The following VIT variants were observed in gnomAD, a reference collection of about 807,000 sequenced individuals.
The protein encoded by VIT is vitrin.
VIT carries 99 observed loss-of-function variants against 78.0 expected under a neutral mutation model. The ratio of observed to expected loss-of-function variants is 1.27; its 90% CI spans 1.08 to 1.50. The LOEUF (loss-of-function observed/expected upper bound fraction) is 1.50, where lower values mean the gene tolerates loss of function less well. Among genes scored for constraint, VIT ranks in the 40% most tolerant of loss-of-function variants. The pLI is 0.00. For missense variants in VIT, 1,126 were observed against 875.3 expected (o/e 1.29, Z -3.61); for synonymous variants, 374 against 334.3 (o/e 1.12, Z -1.29).
chr2:36,797,693 T>A (rs1258155510), intron 12 of VIT, among the ~76,000 whole-genome samples: 2 of 152,170 alleles, frequency 1.3e-5, no homozygotes, highest in East Asian at 3.8e-4. Flanking sequence ...TTTTGGCACA[T>A]GAATGGTCTG....
intron 13 of VIT, 55 bp downstream of exon 13, chr2:36,801,459 G>A (rs1400063048): frequency 1.5e-5 from 22 of 1,427,098 alleles, no homozygotes; most frequent in South Asian, 2.3e-5. Context: ...CTCTTTCTAC[G>A]TGATTGTCTT....
chr2:36,717,061 G>C (rs1216255860), intron 2 of VIT, among the ~76,000 whole-genome samples: 3 of 151,614 alleles, frequency 2.0e-5, no homozygotes, highest in Non-Finnish European at 4.4e-5. Context: ...ATTTTTAGTA[G>C]AGACGGGGTT....
At position 36,796,502 on chromosome 2, in the gene VIT, G is replaced by C. The variant is rs570696575; in HGVS notation, c.1059-4799G>C. On this transcript the variant is annotated intron_variant, in intron 12 of 15. Coordinates refer to ENST00000379242, the MANE Select transcript of VIT (RefSeq NM_053276.4). ...GTGTATGTGGTAGGGGAAAGAGACAGGGAATCGACAATTGCTCTATAAAGT... is the reference window on the plus strand; with the variant it reads ...GTGTATGTGGTAGGGGAAAGAGACACGGAATCGACAATTGCTCTATAAAGT... Among the ~76,000 whole-genome samples the C allele has an allele frequency of 3.9e-5, 6 of 152,278 alleles. No individual in the cohort carries two copies. The South Asian group carries it at 1.2e-3, about 32-fold the overall frequency.
Position 36,783,325 on chromosome 2 carries a change from T to C in VIT, c.848-15T>C. The C allele has an allele frequency of 1.9e-6, 3 of 1,614,048 alleles. No individual in the cohort carries two copies. The highest frequency in any genetic ancestry group is 1.7e-5 in the Admixed American group (1 of 60,030). ...TTTCCTTGTAAGTCACCAAAAGTTT[T>C]ACTGCTCTTTCCAGGACTTGTTCCA... On this transcript the variant is annotated splice_polypyrimidine_tract_variant and intron_variant, in intron 10 of 15. Coordinates refer to ENST00000379242, the MANE Select transcript of VIT (RefSeq NM_053276.4).
At chr2:36,767,756 G>C (rs1292651266) in intron 7 of VIT, among the ~76,000 whole-genome samples, 2 of 152,170 alleles carry the variant, frequency 1.3e-5, no homozygotes, top group African/African-American at 4.8e-5. Context: ...CATGTTGAAG[G>C]TTTTATCAAG....
intron 12 of VIT, among the ~76,000 whole-genome samples, chr2:36,797,487 A>C (rs1665989999): frequency 6.6e-6 from 1 of 152,216 alleles, no homozygotes; most frequent in Non-Finnish European, 1.5e-5. Flanking sequence ...TCAGGAACAC[A>C]CACTGCTGGA....
At chr2:36,700,586 T>C (rs1376952157) in intron 1 of VIT, among the ~76,000 whole-genome samples, 1 of 151,720 alleles carries the variant, frequency 6.6e-6, no homozygotes, top group African/African-American at 2.4e-5. Flanking sequence ...TACTAAAAAT[T>C]AAAAAATTAG....
intron 5 of VIT, 24 bp from the exon 6 acceptor site, chr2:36,758,945 G>GTTTTT: frequency 1.4e-6 from 2 of 1,393,232 alleles, no homozygotes; most frequent in Non-Finnish European, 9.8e-7. Flanking sequence ...AATAAATCTC[G>GTTTTT]TTTTTTTTTT....
In VIT at chr2:36,767,080, C is replaced by T. The variant is rs1327450723; in HGVS notation, c.488-14C>T. 6.4e-7 allele frequency: 1 copy of T among 1,565,832 alleles called. No homozygotes were observed. Among genetic ancestry groups the T allele is most frequent in the Non-Finnish European group, 8.6e-7 (1 of 1,156,972 alleles). On this transcript the variant is annotated splice_polypyrimidine_tract_variant and intron_variant, in intron 6 of 15. Transcript: ENST00000379242. ...TTATTTTGTGGGCCTTGGTATAATT[C>T]CATTTTCTTACAGGTGAGACCACAA... is the stretch of plus-strand genomic sequence containing the variant.
intron 12 of VIT, among the ~76,000 whole-genome samples, chr2:36,795,817 C>G (rs1206577616): frequency 1.3e-5 from 2 of 152,104 alleles, no homozygotes; most frequent in African/African-American, 4.8e-5. Context: ...TTAAAATGGA[C>G]TCCAAATGTA....
intron 1 of VIT, among the ~76,000 whole-genome samples, chr2:36,707,199 A>G (rs1573111397): frequency 6.6e-6 from 1 of 152,206 alleles, no homozygotes; most frequent in Non-Finnish European, 1.5e-5. Context: ...ATTATCTCAC[A>G]TAACAGACAG....
rs769551300 is a variant in VIT, at chr2:36,805,437, G to T, written c.1163-1G>T. 8.1e-6 allele frequency: 13 copies of T among 1,600,996 alleles called. No homozygotes were observed. The highest frequency in any genetic ancestry group is 6.7e-5 in the South Asian group (6 of 88,914). Reference sequence around the variant, plus strand: ...AAGCATGAATTTTCTTTTTCTTCCAGGTCGGGCCATCTCCTTTGTGACCAA... The same window carrying T: ...AAGCATGAATTTTCTTTTTCTTCCATGTCGGGCCATCTCCTTTGTGACCAA... On this transcript the variant is annotated splice_acceptor_variant, in intron 13 of 15. Coordinates refer to ENST00000379242, the MANE Select transcript of VIT (RefSeq NM_053276.4). LOFTEE classifies it high-confidence loss of function.
chr2:36,730,468 T>G (rs1271445148), intron 3 of VIT, among the ~76,000 whole-genome samples: 1 of 152,200 alleles, frequency 6.6e-6, no homozygotes, highest in Admixed American at 6.5e-5. Flanking sequence ...TTGCCCAAAA[T>G]GGCTGCCCCA....
intron 3 of VIT, among the ~76,000 whole-genome samples, chr2:36,742,138 C>A (rs928357844): frequency 6.6e-6 from 1 of 152,148 alleles, no homozygotes; most frequent in African/African-American, 2.4e-5. Context: ...TCAAAAGGCA[C>A]CAGTAAAGTG....
At chr2:36,747,985 C>T (rs915594416) in intron 4 of VIT, among the ~76,000 whole-genome samples, 3 of 152,168 alleles carry the variant, frequency 2.0e-5, no homozygotes, top group Admixed American at 2.0e-4. Context: ...GCTTATGAAG[C>T]TTAGCTTGGC....
At chr2:36,712,287 C>T (rs1191858814) in intron 1 of VIT, among the ~76,000 whole-genome samples, 1 of 152,146 alleles carries the variant, frequency 6.6e-6, no homozygotes, top group Non-Finnish European at 1.5e-5. Context: ...TGGTCAGGTT[C>T]CATTATTGAT....
At chr2:36,803,326 A>C (rs1283790074) in intron 13 of VIT, among the ~76,000 whole-genome samples, 1 of 152,190 alleles carries the variant, frequency 6.6e-6, no homozygotes, top group African/African-American at 2.4e-5. Flanking sequence ...AACTAAAACA[A>C]AGCTAAATCC....
chr2:36,743,334 T>C, intron 4 of VIT, 78 bp downstream of exon 4: 2 of 1,381,172 alleles, frequency 1.4e-6, no homozygotes, highest in Non-Finnish European at 1.9e-6. Context: ...GGTTGCCATA[T>C]TTAGCAAGCA....
intron 15 of VIT, among the ~76,000 whole-genome samples, chr2:36,810,638 T>A (rs1667089173): frequency 6.6e-6 from 1 of 151,910 alleles, no homozygotes; most frequent in African/African-American, 2.4e-5. Flanking sequence ...CTAAATTTTT[T>A]TTTTTTTTTT....
Sources: gnomAD v4.1 joint callset for allele counts (sites outside exome capture counted in the v4.1 genomes callset) on GRCh38, gnomAD v4.1.1 for gene constraint, MANE v1.5 for transcripts, NCBI Gene and HGNC (gene_info 2026-07-23, HGNC 2026-07-21) for gene names.